SLCO1B1: variants seen among roughly 807,000 people sequenced by gnomAD.
The protein encoded by SLCO1B1 is solute carrier organic anion transporter family member 1B1.
Under a neutral mutation model 70.1 loss-of-function variants are expected in SLCO1B1, and 81 were observed. The observed-to-expected ratio is 1.16, with a 90% CI of 0.97 to 1.39. SLCO1B1 has a LOEUF of 1.39. Among genes scored for constraint, SLCO1B1 ranks in the 40% most tolerant of loss-of-function variants. The pLI is 0.00. For missense variants in SLCO1B1, 895 were observed against 799.6 expected, an observed-to-expected ratio of 1.12 and a Z score of -1.44; for synonymous variants, 283 against 271.5, an observed-to-expected ratio of 1.04 and a Z score of -0.42.
intron 8 of SLCO1B1, among the ~76,000 whole-genome samples, chr12:21,199,210 A>T (rs1352939874): frequency 2.0e-5 from 3 of 152,136 alleles, no homozygotes; most frequent in Non-Finnish European, 4.4e-5. Context: ...AAATCTTTAG[A>T]GATTTAAATA....
At chr12:21,150,246 A>G (rs1258212054) in intron 2 of SLCO1B1, among the ~76,000 whole-genome samples, 6 of 152,122 alleles carry the variant, frequency 3.9e-5, no homozygotes, top group Admixed American at 3.9e-4. Context: ...ACCTGGGAGA[A>G]GGGGCAGCTG....
At chr12:21,178,113 A>T (rs1396772350) in intron 5 of SLCO1B1, among the ~76,000 whole-genome samples, 2 of 152,060 alleles carry the variant, frequency 1.3e-5, no homozygotes, top group East Asian at 3.9e-4. Context: ...CCTTGATTGT[A>T]ATAATCTCCA....
At chr12:21,137,606 C>G (rs772114173) in intron 1 of SLCO1B1, among the ~76,000 whole-genome samples, 1 of 152,144 alleles carries the variant, frequency 6.6e-6, no homozygotes, top group South Asian at 2.1e-4. Context: ...TTGCAATGAG[C>G]GAGACTCTGT....
At chr12:21,160,425 C>T (rs754462831) in intron 2 of SLCO1B1, among the ~76,000 whole-genome samples, 15 of 151,514 alleles carry the variant, frequency 9.9e-5, no homozygotes, top group Non-Finnish European at 1.9e-4. Flanking sequence ...GCTGGTCATA[C>T]ACAGAAAATT....
chr12:21,196,605 CAAT>C (rs1210044048), intron 7 of SLCO1B1, among the ~76,000 whole-genome samples: 1 of 152,086 alleles, frequency 6.6e-6, no homozygotes, highest in Non-Finnish European at 1.5e-5. Flanking sequence ...TTTCAGACAA[CAAT>C]GAGACGTCAT....
Position 21,141,580 on chromosome 12 carries a change from C to A in SLCO1B1, c.6C>A (p.Asp2Glu), listed in dbSNP as rs761348443. Reference protein sequence around the residue: MDQNQHLNKTAE... With the variant: MEQNQHLNKTAE... Reference sequence around the variant, plus strand: ...ATGATATCTATATTTCAATCATGGACCAAAATCAACATTTGAATAAAACAG... The same window carrying A: ...ATGATATCTATATTTCAATCATGGAACAAAATCAACATTTGAATAAAACAG... The change falls in exon 2 of 15, where the codon GAC (aspartate) becomes GAA (glutamate). Residue 2 changes from aspartate (D) to glutamate (E), a missense_variant. By Grantham distance (45) the Asp-to-Glu change is conservative. Transcript: ENST00000256958. 6.2e-7 allele frequency: 1 copy of A among 1,604,526 alleles called. No individual in the cohort carries two copies.
At chr12:21,156,747 C>T (rs374106829) in intron 2 of SLCO1B1, among the ~76,000 whole-genome samples, 3 of 152,192 alleles carry the variant, frequency 2.0e-5, no homozygotes, top group African/African-American at 4.8e-5. Flanking sequence ...CCAATTTACG[C>T]ATGAGAAAAG....
chr12:21,236,478 G>A (rs1941596606), intron 14 of SLCO1B1, among the ~76,000 whole-genome samples: 1 of 152,192 alleles, frequency 6.6e-6, no homozygotes, highest in Non-Finnish European at 1.5e-5. Flanking sequence ...TGGTGCAGCT[G>A]TACCTGTGCA....
chr12:21,228,018 A>T (rs1408395205), intron 14 of SLCO1B1, among the ~76,000 whole-genome samples: 1 of 152,082 alleles, frequency 6.6e-6, no homozygotes, highest in South Asian at 2.1e-4. Context: ...TAATATGCAT[A>T]TATATGCATA....
Position 21,229,898 on chromosome 12 carries a change from T to C in SLCO1B1, c.1865+5059T>C, listed in dbSNP as rs557434041. Among the ~76,000 whole-genome samples the C allele has an allele frequency of 3.9e-5, 6 of 152,304 alleles. No individual in the cohort carries two copies. The South Asian group carries it at 8.3e-4, about 21-fold the overall frequency. On this transcript the variant is annotated intron_variant, in intron 14 of 14. Coordinates refer to ENST00000256958, the MANE Select transcript of SLCO1B1 (RefSeq NM_006446.5). The stretch of plus-strand genomic sequence containing the variant: ...ACATTAATTACGACTCCCAGTACCA[T>C]GTTGAAAAACAGTGGTGAGAGGGGA...
intron 14 of SLCO1B1, among the ~76,000 whole-genome samples, chr12:21,235,702 G>C (rs1433878501): frequency 1.3e-5 from 2 of 151,796 alleles, no homozygotes; most frequent in Non-Finnish European, 2.9e-5. Context: ...TTCCTGTTTT[G>C]AACTCCTTTG....
rs190502785 is a variant in SLCO1B1 at position 21,168,496 on chromosome 12, G to A, written c.85-4154G>A. 5.2e-3 allele frequency among the ~76,000 whole-genome samples: 790 copies of A among 152,202 alleles called. 6 individuals are homozygous for A. The highest frequency in any genetic ancestry group is 0.018 in the African/African-American group (761 of 41,536). On this transcript the variant is annotated intron_variant, in intron 2 of 14. Coordinates refer to ENST00000256958, the MANE Select transcript of SLCO1B1 (RefSeq NM_006446.5). ...CTCCAAACTCTTTTTCATGAAAGCTGAACCATTTTATATTTCCATCAACAA... is the reference window on the plus strand; with the variant it reads ...CTCCAAACTCTTTTTCATGAAAGCTAAACCATTTTATATTTCCATCAACAA...
At chr12:21,206,608 T>C (rs762236164) in intron 11 of SLCO1B1, among the ~76,000 whole-genome samples, 38 of 151,902 alleles carry the variant, frequency 2.5e-4, no homozygotes, top group Non-Finnish European at 5.2e-4. Context: ...CTACCCAAGA[T>C]AATGTAGTAT....
At chr12:21,189,867 A>G (rs1941008506) in intron 7 of SLCO1B1, among the ~76,000 whole-genome samples, 1 of 152,234 alleles carries the variant, frequency 6.6e-6, no homozygotes, top group South Asian at 2.1e-4. Flanking sequence ...TTGTAGTGGA[A>G]ACACTTAACA....
intron 2 of SLCO1B1, among the ~76,000 whole-genome samples, chr12:21,157,241 T>C (rs1183035112): frequency 6.6e-6 from 1 of 152,142 alleles, no homozygotes; most frequent in African/African-American, 2.4e-5. Context: ...TTTTATTGTA[T>C]CACATACGAT....
At chr12:21,235,297 CACTT>C (rs1369938257) in intron 14 of SLCO1B1, among the ~76,000 whole-genome samples, 2 of 150,956 alleles carry the variant, frequency 1.3e-5, no homozygotes, top group African/African-American at 4.9e-5. Flanking sequence ...TTATGTAATG[CACTT>C]ACTTGGTTTT....
chr12:21,144,886 C>A (rs1038194129), intron 2 of SLCO1B1, among the ~76,000 whole-genome samples: 2 of 152,100 alleles, frequency 1.3e-5, no homozygotes, highest in Admixed American at 6.6e-5. Flanking sequence ...ACCATTAGAC[C>A]TGCCTTACCA....
At chr12:21,152,533 CTT>C (rs71043250) in intron 2 of SLCO1B1, among the ~76,000 whole-genome samples, 7 of 34,354 alleles carry the variant, frequency 2.0e-4, no homozygotes, top group South Asian at 1.9e-3. Flanking sequence ...AGAGGAGAGG[CTT>C]TTTTTTTTTT....
intron 7 of SLCO1B1, among the ~76,000 whole-genome samples, chr12:21,195,352 A>C (rs1479295516): frequency 6.6e-6 from 1 of 152,194 alleles, no homozygotes; most frequent in Admixed American, 6.5e-5. Flanking sequence ...AAAATTTTGA[A>C]TATTTCACAT....
Sources: gnomAD v4.1 joint callset for allele counts (sites outside exome capture counted in the v4.1 genomes callset) on GRCh38, gnomAD v4.1.1 for gene constraint, MANE v1.5 for transcripts, NCBI Gene and HGNC (gene_info 2026-07-23, HGNC 2026-07-21) for gene names.